STK24: variants seen among roughly 807,000 people sequenced by gnomAD.
The protein encoded by STK24 is serine/threonine kinase 24.
Under a neutral mutation model 55.6 loss-of-function variants are expected in STK24, and 21 were observed. The observed-to-expected ratio is 0.38, with a 90% CI of 0.27 to 0.54. The LOEUF is 0.54. Ranked by LOEUF, STK24 falls within the 20% of genes least tolerant of loss-of-function variation. The pLI, the probability that STK24 is intolerant of heterozygous loss-of-function variation, is 0.79. For missense variants in STK24, 383 were observed against 538.4 expected, an observed-to-expected ratio of 0.71 and a Z score of 2.86; for synonymous variants, 200 against 215.2, an observed-to-expected ratio of 0.93 and a Z score of 0.62.
intron 1 of STK24, among the ~76,000 whole-genome samples, chr13:98,545,316 C>T (rs1042232608): frequency 5.9e-5 from 9 of 152,230 alleles, no homozygotes; most frequent in Admixed American, 2.0e-4. Flanking sequence ...AGCAGGGCAA[C>T]ATCTCAATTT....
chr13:98,574,337 C>A (rs1220216204), intron 1 of STK24, among the ~76,000 whole-genome samples: 3 of 152,018 alleles, frequency 2.0e-5, no homozygotes, highest in Admixed American at 6.5e-5. Flanking sequence ...GGTCAGGAGA[C>A]AAGAAAAAGG....
At chr13:98,537,138 C>A (rs1011465074) in intron 1 of STK24, among the ~76,000 whole-genome samples, 46 of 152,248 alleles carry the variant, frequency 3.0e-4, no homozygotes, top group African/African-American at 1.0e-3. Context: ...TCAGCCTACA[C>A]TGTGACCCCC....
chr13:98,547,481 G>A (rs1174713577), intron 1 of STK24, among the ~76,000 whole-genome samples: 3 of 152,134 alleles, frequency 2.0e-5, no homozygotes, highest in Admixed American at 1.3e-4. Flanking sequence ...CCACCAGTTC[G>A]AGGCTATAGT....
intron 1 of STK24, among the ~76,000 whole-genome samples, chr13:98,544,557 G>A (rs1037416070): frequency 6.6e-6 from 1 of 152,196 alleles, no homozygotes; most frequent in African/African-American, 2.4e-5. Flanking sequence ...GAGAGGAGAG[G>A]ACAGAGCCGC....
At chr13:98,502,037 A>C (rs1188104711) in intron 2 of STK24, among the ~76,000 whole-genome samples, 1 of 152,168 alleles carries the variant, frequency 6.6e-6, no homozygotes, top group Non-Finnish European at 1.5e-5. Flanking sequence ...GAAAACTCTA[A>C]AAACTAATCC....
chr13:98,507,095 G>T (rs1652542437), intron 2 of STK24, among the ~76,000 whole-genome samples: 1 of 152,240 alleles, frequency 6.6e-6, no homozygotes, highest in African/African-American at 2.4e-5. Flanking sequence ...CTCCAGCAAG[G>T]CAGTGCCACT....
At chr13:98,460,535 G>A in intron 8 of STK24, 95 bp from the exon 9 acceptor site, 2 of 1,019,144 alleles carry the variant, frequency 2.0e-6, no homozygotes, top group East Asian at 4.9e-5. Flanking sequence ...GGAAGCGCAG[G>A]AGTTGCCTCT....
At chr13:98,538,074 G>A (rs1446807163) in intron 1 of STK24, among the ~76,000 whole-genome samples, 2 of 152,026 alleles carry the variant, frequency 1.3e-5, no homozygotes, top group Non-Finnish European at 2.9e-5. Context: ...CTGCTTTCTG[G>A]TGCCCATCAA....
In STK24 at chr13:98,482,247, A is replaced by T; in HGVS notation, c.330+18T>A. The T allele has an allele frequency of 2.1e-6, 3 of 1,461,040 alleles. No individual in the cohort carries two copies. Among genetic ancestry groups the T allele is most frequent in the South Asian group, 2.6e-5 (2 of 77,218 alleles). 90.5% of individuals were successfully genotyped at this position (1,461,040 alleles called of 1,614,324 possible). ...GAAAAAGCTTTGATACGTATTCTGC[A>T]TCCAACATAATACTTACTAGATCTA... is the stretch of plus-strand genomic sequence containing the variant. On this transcript the variant is annotated intron_variant, in intron 3 of 10. Coordinates refer to ENST00000539966, the MANE Select transcript of STK24 (RefSeq NM_001032296.4).
At chr13:98,573,750 TGAGTGG>T (rs1446513832) in intron 1 of STK24, among the ~76,000 whole-genome samples, 8 of 152,336 alleles carry the variant, frequency 5.3e-5, no homozygotes, top group African/African-American at 1.9e-4. Flanking sequence ...CACTGCATGA[TGAGTGG>T]GAGTAGGAGG....
At chr13:98,494,318 G>GT (rs1437618396) in intron 2 of STK24, among the ~76,000 whole-genome samples, 1 of 146,488 alleles carries the variant, frequency 6.8e-6, no homozygotes, top group African/African-American at 2.5e-5. Flanking sequence ...GCTGAGTGAG[G>GT]CAGGAGAATG....
intron 1 of STK24, among the ~76,000 whole-genome samples, chr13:98,562,939 T>TA (rs199965383): frequency 0.015 from 1,922 of 130,566 alleles, 50 homozygotes; most frequent in African/African-American, 0.052. Flanking sequence ...AAAAAAAAGG[T>TA]AAAAAAAATT....
At chr13:98,573,029 G>A (rs1355187410) in intron 1 of STK24, among the ~76,000 whole-genome samples, 1 of 152,072 alleles carries the variant, frequency 6.6e-6, no homozygotes, top group African/African-American at 2.4e-5. Context: ...GACACTCAAA[G>A]GAAATGCTCA....
intron 2 of STK24, among the ~76,000 whole-genome samples, chr13:98,505,345 C>G (rs1240487213): frequency 6.6e-6 from 1 of 152,252 alleles, no homozygotes; most frequent in Admixed American, 6.5e-5. Context: ...AACTCCACCT[C>G]ATCACACTTG....
At chr13:98,507,196 C>A (rs1015043355) in intron 2 of STK24, among the ~76,000 whole-genome samples, 1 of 152,240 alleles carries the variant, frequency 6.6e-6, no homozygotes, top group African/African-American at 2.4e-5. Flanking sequence ...AGAAGGAGAA[C>A]ACACCACTGG....
At chr13:98,505,218 T>C (rs888403813) in intron 2 of STK24, among the ~76,000 whole-genome samples, 5 of 152,240 alleles carry the variant, frequency 3.3e-5, no homozygotes, top group African/African-American at 1.2e-4. Context: ...AAAGGCTTCA[T>C]GCCACACCTC....
intron 1 of STK24, 61 bp downstream of exon 1, chr13:98,576,684 C>T (rs981499259): frequency 7.2e-6 from 10 of 1,392,812 alleles, no homozygotes; most frequent in African/African-American, 1.5e-5. Flanking sequence ...GTGTGGATAC[C>T]GCCAAGTTGC....
chr13:98,495,561 T>C (rs545719944), intron 2 of STK24, among the ~76,000 whole-genome samples: 18 of 152,350 alleles, frequency 1.2e-4, no homozygotes, highest in African/African-American at 3.8e-4. Context: ...TTTAGCCTAA[T>C]TGGAATTTTA....
intron 1 of STK24, among the ~76,000 whole-genome samples, chr13:98,531,640 T>C (rs1896581929): frequency 6.6e-6 from 1 of 152,202 alleles, no homozygotes; most frequent in South Asian, 2.1e-4. Flanking sequence ...AGGTCAGGAC[T>C]AGCCTTCATA....
Sources: allele counts gnomAD v4.1 joint callset (sites outside exome capture counted in the v4.1 genomes callset), GRCh38; gene constraint gnomAD v4.1.1; transcripts MANE v1.5; gene names NCBI Gene and HGNC (gene_info 2026-07-23, HGNC 2026-07-21).